TLCD3B: variants seen among roughly 807,000 people sequenced by gnomAD.
TLCD3B encodes TLC domain containing 3B, also known as ceramide synthase.
Under a neutral mutation model 23.0 loss-of-function variants are expected in TLCD3B, and 9 were observed. The ratio of observed to expected loss-of-function variants is 0.39; its 90% confidence interval spans 0.24 to 0.68. The LOEUF (loss-of-function observed/expected upper bound fraction) is 0.68, where lower values mean the gene tolerates loss of function less well. Among genes scored for constraint, TLCD3B ranks in the 30% least tolerant of loss-of-function variants. The pLI, the probability that TLCD3B is intolerant of heterozygous loss-of-function variation, is 0.44. For synonymous variants in TLCD3B, 161 were observed against 161.0 expected (o/e 1.00, Z 0.00); for missense variants, 307 against 371.8 (o/e 0.83, Z 1.43).
upstream of TLCD3B, chr16:30,033,458 A>G (rs1252396851): frequency 6.6e-6 from 1 of 152,070 alleles, no homozygotes; most frequent in Non-Finnish European, 1.5e-5. Flanking sequence ...GAATCCACGT[A>G]GACACCCTAG....
intron 1 of TLCD3B, among the ~76,000 whole-genome samples, chr16:30,052,572 C>T (rs927941119): frequency 6.6e-6 from 1 of 151,756 alleles, no homozygotes; most frequent in Non-Finnish European, 1.5e-5. Flanking sequence ...TAGTGCGCGC[C>T]TGTAATCCCA....
chr16:30,025,646 C>A lies in TLCD3B; in HGVS notation c.540+80G>T. On this transcript the variant is annotated intron_variant, in intron 4 of 4. Transcript: ENST00000380495. This position sits in a 1 kb window ranked among gnomAD's most constrained non-coding sequence, Gnocchi z 4.1. The stretch of plus-strand genomic sequence containing the variant: ...GGGGGGGATGACGAAGGGGCTAGAG[C>A]CCTTGGCAGCAACCTTGAAGGTCCC... The A allele has an allele frequency of 6.6e-7, 1 of 1,511,292 alleles. No homozygotes were observed. The highest frequency in any genetic ancestry group is 2.3e-5 in the East Asian group (1 of 44,398). The allele number at this position is 1,511,292 out of a possible 1,614,324, so 93.6% of individuals were successfully genotyped here.
Position 30,039,103 on chromosome 16 carries a change from CTTTTTTTTTTTTT to C in TLCD3B, c.-67+1879_-67+1891del, listed in dbSNP as rs1018184417. Among the ~76,000 whole-genome samples the C allele has an allele frequency of 3.2e-3, 315 of 99,640 alleles. 10 individuals carry two copies. The highest frequency in any genetic ancestry group is 0.027 in the East Asian group (86 of 3,172). The allele number at this position is 99,640 out of a possible 152,430, so 65.4% of individuals were successfully genotyped here. On this transcript the variant is annotated intron_variant, in intron 3 of 6. Transcript: ENST00000561666. Reference sequence around the variant, plus strand: ...TTATCCTTCTCCTCCTCCTTCCTCTCTTTTTTTTTTTTTTTTTTTTTTTTTTTTTTAGATGGAG... The same window carrying C: ...TTATCCTTCTCCTCCTCCTTCCTCTCTTTTTTTTTTTTTTTTTAGATGGAG...
intron 2 of TLCD3B, among the ~76,000 whole-genome samples, chr16:30,028,786 A>T (rs953089180): frequency 6.6e-6 from 1 of 152,160 alleles, no homozygotes; most frequent in Non-Finnish European, 1.5e-5. Context: ...GGCAACTTGC[A>T]ACGGGCCACC....
chr16:30,026,866 G>T (rs763674711), intron 2 of TLCD3B, 23 bp from the exon 3 acceptor site: 4 of 1,600,792 alleles, frequency 2.5e-6, no homozygotes, highest in Middle Eastern at 1.7e-4. Flanking sequence ...GAGACGGGGT[G>T]GGGGAGCAAG....
In TLCD3B at chr16:30,025,168, T is replaced by TCCCGGCC. The variant is rs2071052888; in HGVS notation, c.*8_*14dup. Reference sequence around the variant, plus strand: ...GGGGTGGGGGTGGGGAGGGGGAGGGTCCCGGCCCCCGGCCTCAGTCCTGGG... The same window carrying TCCCGGCC: ...GGGGTGGGGGTGGGGAGGGGGAGGGTCCCGGCCCCCGGCCCCCGGCCTCAGTCCTGGG... On this transcript the variant is annotated 3_prime_UTR_variant, in exon 5 of 5. Coordinates refer to ENST00000380495, the MANE Select transcript of TLCD3B (RefSeq NM_031478.6). The surrounding 1 kb of genome is among the most constrained non-coding windows in gnomAD (Gnocchi z 4.1). 5 of 1,404,158 alleles carry TCCCGGCC rather than the reference T, an allele frequency of 3.6e-6. No individual in the cohort carries two copies. Among genetic ancestry groups the TCCCGGCC allele is most frequent in the Non-Finnish European group, 4.6e-6 (5 of 1,078,324 alleles). 87.0% of individuals were successfully genotyped at this position (1,404,158 alleles called of 1,614,324 possible).
chr16:30,029,582 G>T lies in TLCD3B; in HGVS notation c.126-67C>A. Reference sequence around the variant, plus strand: ...GAGGCGTGTGCCTTGATTTCTCCTCGTTGCTAGTCTAACGACTGCGCTTTG... The same window carrying T: ...GAGGCGTGTGCCTTGATTTCTCCTCTTTGCTAGTCTAACGACTGCGCTTTG... On this transcript the variant is annotated intron_variant, in intron 1 of 4. Coordinates refer to ENST00000380495, the MANE Select transcript of TLCD3B (RefSeq NM_031478.6). The surrounding 1 kb of genome is among the most constrained non-coding windows in gnomAD (Gnocchi z 4.6). 3 of 1,339,396 alleles carry T rather than the reference G, an allele frequency of 2.2e-6. No homozygotes were observed. Among genetic ancestry groups the T allele is most frequent in the African/African-American group, 1.4e-5 (1 of 69,372 alleles). The allele number at this position is 1,339,396 out of a possible 1,614,324, so 83.0% of individuals were successfully genotyped here.
At position 30,029,535 on chromosome 16, in the gene TLCD3B, G is replaced by T. The variant is rs761231428; in HGVS notation, c.126-20C>A. 2 of 1,599,308 alleles carry T rather than the reference G, an allele frequency of 1.3e-6. No individual in the cohort carries two copies. The highest frequency in any genetic ancestry group is 1.7e-5 in the Admixed American group (1 of 59,584). ...ACCAGCCTGGGGGAGAGAGGGAGGC[G>T]TGCTAGAAAGGCAGAAGGGAAGAGG... On this transcript the variant is annotated intron_variant, in intron 1 of 4. Coordinates refer to ENST00000380495, the MANE Select transcript of TLCD3B (RefSeq NM_031478.6). This position sits in a 1 kb window ranked among gnomAD's most constrained non-coding sequence, Gnocchi z 4.6.
At chr16:30,051,271 C>T (rs2071745182) in intron 1 of TLCD3B, among the ~76,000 whole-genome samples, 1 of 151,974 alleles carries the variant, frequency 6.6e-6, no homozygotes, top group African/African-American at 2.4e-5. Context: ...CAGTGGCTCA[C>T]ACCTGTAATC....
chr16:30,037,216 G>A (rs920387691), intron 3 of TLCD3B, among the ~76,000 whole-genome samples: 2 of 151,680 alleles, frequency 1.3e-5, no homozygotes, highest in Non-Finnish European at 2.9e-5. Context: ...GACCAGTTTG[G>A]GCAACATAGT....
upstream of TLCD3B, among the ~76,000 whole-genome samples, chr16:30,031,440 G>A (rs1407183795): frequency 1.3e-5 from 2 of 152,174 alleles, no homozygotes; most frequent in Non-Finnish European, 2.9e-5. Flanking sequence ...GGCCAGCTGG[G>A]AGGGGGCCCT....
rs747222609 is a variant in TLCD3B, at chr16:30,026,590, C to G, written c.444+19G>C. 8.7e-6 allele frequency: 14 copies of G among 1,606,698 alleles called. 1 individual carries two copies. The Middle Eastern group carries it at 8.4e-4, about 96-fold the overall frequency. On this transcript the variant is annotated intron_variant, in intron 3 of 4. Coordinates refer to ENST00000380495, the MANE Select transcript of TLCD3B (RefSeq NM_031478.6). ...AGCAGGCCACCCGCACCCCGCCCGC[C>G]CAGCTCCCCGGGACTCACCACTGAG... is the stretch of plus-strand genomic sequence containing the variant.
At chr16:30,027,184 G>A (rs1241054188) in intron 2 of TLCD3B, 1 of 475,636 alleles carries the variant, frequency 2.1e-6, no homozygotes, top group African/African-American at 2.0e-5. Flanking sequence ...GTGGGACCTT[G>A]CCATGGTTAT....
At chr16:30,044,596 G>A (rs573882335) in intron 2 of TLCD3B, among the ~76,000 whole-genome samples, 3 of 152,184 alleles carry the variant, frequency 2.0e-5, no homozygotes, top group Non-Finnish European at 1.5e-5. Flanking sequence ...ACAGAAGTAA[G>A]CCACTGTGGC....
intron 3 of TLCD3B, among the ~76,000 whole-genome samples, chr16:30,026,300 C>T (rs1417000592): frequency 6.6e-6 from 1 of 152,124 alleles, no homozygotes; most frequent in Non-Finnish European, 1.5e-5. Flanking sequence ...CTGCATCCCT[C>T]TCACGGTCCT....
At chr16:30,035,912 G>A (rs1039748384), upstream of TLCD3B, among the ~76,000 whole-genome samples, 4 of 151,800 alleles carry the variant, frequency 2.6e-5, no homozygotes, top group African/African-American at 4.8e-5. Flanking sequence ...ACAGGCGCCC[G>A]CCACCATGCC....
intron 2 of TLCD3B, among the ~76,000 whole-genome samples, chr16:30,041,348 T>C (rs570746058): frequency 1.3e-5 from 2 of 151,730 alleles, no homozygotes; most frequent in African/African-American, 4.8e-5. Context: ...CAATCTCAGC[T>C]CACTACAACC....
chr16:30,029,324 G>T lies in TLCD3B; in HGVS notation c.209+108C>A. On this transcript the variant is annotated intron_variant, in intron 2 of 4. Coordinates refer to ENST00000380495, the MANE Select transcript of TLCD3B (RefSeq NM_031478.6). The surrounding 1 kb of genome is among the most constrained non-coding windows in gnomAD (Gnocchi z 4.6). ...TTAACTTGCTCAGGCCCAAGTTAAG[G>T]GCTTGGGGACCACAGACAGAGTTCC... 1.0e-6 allele frequency: 1 copy of T among 967,904 alleles called. No individual in the cohort carries two copies. The highest frequency in any genetic ancestry group is 1.6e-6 in the Non-Finnish European group (1 of 619,436). The allele number at this position is 967,904 out of a possible 1,614,324, so 60.0% of individuals were successfully genotyped here.
chr16:30,042,712 T>A (rs1357202564), intron 2 of TLCD3B, among the ~76,000 whole-genome samples: 2 of 152,100 alleles, frequency 1.3e-5, no homozygotes, highest in Non-Finnish European at 2.9e-5. Flanking sequence ...AAACCTTTGT[T>A]TCCCCACAAA....
Sources: gnomAD v4.1 joint callset for allele counts (sites outside exome capture counted in the v4.1 genomes callset) on GRCh38, gnomAD v4.1.1 for gene constraint, Gnocchi (gnomAD v3.1) non-coding constraint, MANE v1.5 for transcripts, NCBI Gene and HGNC (gene_info 2026-07-23, HGNC 2026-07-21) for gene names.